KCNMB1: variants seen among roughly 807,000 people sequenced by gnomAD.
KCNMB1 encodes calcium-activated potassium channel subunit beta-1.
KCNMB1 carries 22 observed loss-of-function variants against 21.7 expected under a neutral mutation model. The ratio of observed to expected loss-of-function variants is 1.01; its 90% CI spans 0.72 to 1.45. KCNMB1 has a LOEUF of 1.45. Ranked by LOEUF, KCNMB1 falls within the 40% of genes most tolerant of loss-of-function variation. The pLI is 0.00. For missense variants in KCNMB1, 243 were observed against 243.4 expected, an observed-to-expected ratio of 1.00 and a Z score of 0.01; for synonymous variants, 114 against 107.6, an observed-to-expected ratio of 1.06 and a Z score of -0.37.
At position 170,378,653 on chromosome 5, in the gene KCNMB1, C is replaced by G. The variant is rs770678288; in HGVS notation, c.*51G>C. Reference sequence around the variant, plus strand: ...TGCAAGTGGGGAGCAGCCCTGGGGGCCCAGCCAGTCCCCTGTGCCCTGACA... The same window carrying G: ...TGCAAGTGGGGAGCAGCCCTGGGGGGCCAGCCAGTCCCCTGTGCCCTGACA... On this transcript the variant is annotated 3_prime_UTR_variant, in exon 4 of 4. Transcript: ENST00000274629. The G allele has an allele frequency of 1.9e-6, 3 of 1,539,890 alleles. No individual in the cohort carries two copies. The highest frequency in any genetic ancestry group is 2.8e-5 in the African/African-American group (2 of 72,492).
chr5:170,385,580 GTTTATATT>G, intron 1 of KCNMB1, 109 bp from the exon 2 acceptor site: 1 of 1,027,184 alleles, frequency 9.7e-7, no homozygotes, highest in Non-Finnish European at 1.4e-6. Flanking sequence ...TATCACTCTT[GTTTATATT>G]TGGAGCTTTG....
Position 170,376,339 on chromosome 5 carries a change from T to G in KCNMB1, c.*2365A>C, listed in dbSNP as rs963674099. 2 of 151,828 alleles carry G rather than the reference T, an allele frequency of 1.3e-5. No homozygotes were observed. Among genetic ancestry groups the G allele is most frequent in the Non-Finnish European group, 2.9e-5 (2 of 67,956 alleles). The allele number at this position is 151,828 out of a possible 1,614,324, so 9.4% of individuals were successfully genotyped here. On this transcript the variant is annotated 3_prime_UTR_variant, in exon 4 of 4. Transcript: ENST00000274629. ...CCACGCCCGGCTATGATTTTTTCTA[T>G]TTTTTAGTAGAGACAGGGTTTCACC... is the stretch of plus-strand genomic sequence containing the variant.
At chr5:170,387,256 A>C (rs1764513300) in intron 1 of KCNMB1, among the ~76,000 whole-genome samples, 2 of 152,212 alleles carry the variant, frequency 1.3e-5, no homozygotes, top group South Asian at 4.1e-4. Flanking sequence ...TCCCTAAAGT[A>C]ATAAACATAT....
At chr5:170,388,095 G>A (rs1048177819) in intron 1 of KCNMB1, among the ~76,000 whole-genome samples, 2 of 152,228 alleles carry the variant, frequency 1.3e-5, no homozygotes, top group Non-Finnish European at 2.9e-5. Context: ...GGGCACTCCT[G>A]AGGCTGGTGA....
intron 1 of KCNMB1, among the ~76,000 whole-genome samples, chr5:170,388,846 C>G (rs1764591958): frequency 6.6e-6 from 1 of 152,236 alleles, no homozygotes; most frequent in Admixed American, 6.5e-5. Context: ...ATCATAGCAC[C>G]TAGCCCCAAA....
chr5:170,383,796 C>T lies in KCNMB1; in HGVS notation c.189G>A (p.Gln63=), dbSNP rs765019540. 6.2e-7 allele frequency: 1 copy of T among 1,614,192 alleles called. No homozygotes were observed. Among genetic ancestry groups the T allele is most frequent in the Non-Finnish European group, 8.5e-7 (1 of 1,180,042 alleles). Residue 63 remains glutamine (Q), a synonymous_variant, in exon 3 of 4, where the codon CAG becomes CAA. Coordinates refer to ENST00000274629, the MANE Select transcript of KCNMB1 (RefSeq NM_004137.4). ...CHLIETNIRD[Q]EELKGKKVPQ... is the part of the protein sequence containing the mutation. ...GCACCTTCTTGCCCTTCAGCTCCTC[C>T]TGGTCCCTGATGTTGGTCTCAATCA...
intron 1 of KCNMB1, 45 bp from the exon 2 acceptor site, chr5:170,385,516 A>C: frequency 1.3e-6 from 2 of 1,569,596 alleles, no homozygotes; most frequent in Non-Finnish European, 1.8e-6. Context: ...CCCAGTTCAC[A>C]GGTGATCCAC....
rs1347369839 is a variant in KCNMB1, at chr5:170,377,037, A to C, written c.*1667T>G. 4 of 152,252 alleles carry C rather than the reference A, an allele frequency of 2.6e-5. No homozygotes were observed. Among genetic ancestry groups the C allele is most frequent in the Non-Finnish European group, 4.4e-5 (3 of 68,054 alleles). 9.4% of individuals were successfully genotyped at this position (152,252 alleles called of 1,614,324 possible). ...GAATCAAAGAGATGAAATCGGGCAGAGTAGAGACAGGATTCAAACCCAAGA... is the reference window on the plus strand; with the variant it reads ...GAATCAAAGAGATGAAATCGGGCAGCGTAGAGACAGGATTCAAACCCAAGA... On this transcript the variant is annotated 3_prime_UTR_variant, in exon 4 of 4. Transcript: ENST00000274629.
chr5:170,386,479 C>T (rs920446422), intron 1 of KCNMB1, among the ~76,000 whole-genome samples: 1 of 152,134 alleles, frequency 6.6e-6, no homozygotes, highest in Non-Finnish European at 1.5e-5. Context: ...AGTCATAGGT[C>T]CCATGCGGTG....
intron 3 of KCNMB1, among the ~76,000 whole-genome samples, chr5:170,379,204 C>T (rs1157322303): frequency 6.6e-6 from 1 of 152,152 alleles, no homozygotes; most frequent in Non-Finnish European, 1.5e-5. Context: ...ACAGGCTACA[C>T]ACCTGGGCGC....
chr5:170,387,050 A>G (rs1393152275), intron 1 of KCNMB1, among the ~76,000 whole-genome samples: 1 of 152,006 alleles, frequency 6.6e-6, no homozygotes, highest in East Asian at 1.9e-4. Flanking sequence ...GTGATTTCCC[A>G]TGGTTCCGCA....
intron 3 of KCNMB1, among the ~76,000 whole-genome samples, chr5:170,379,638 A>G (rs1435614016): frequency 2.0e-5 from 3 of 152,210 alleles, no homozygotes; most frequent in Non-Finnish European, 4.4e-5. Flanking sequence ...CAGAAGATCT[A>G]TAATAGCCAG....
At chr5:170,379,056 C>G (rs1470113649) in intron 3 of KCNMB1, 83 bp from the exon 4 acceptor site, 3 of 1,511,170 alleles carry the variant, frequency 2.0e-6, no homozygotes, top group East Asian at 2.3e-5. Context: ...AAGAAAAATA[C>G]CAGCTTTGTA....
chr5:170,385,550 G>T lies in KCNMB1; in HGVS notation c.-24-79C>A, dbSNP rs1581135692. 1.9e-5 allele frequency: 25 copies of T among 1,296,342 alleles called. No individual in the cohort carries two copies. The Admixed American group carries it at 2.7e-4, about 14-fold the overall frequency. The allele number at this position is 1,296,342 out of a possible 1,614,324, so 80.3% of individuals were successfully genotyped here. A position where few individuals can be genotyped will look rare whatever the true frequency, so the allele number is the denominator to read the frequency against. On this transcript the variant is annotated intron_variant, in intron 1 of 3. Coordinates refer to ENST00000274629, the MANE Select transcript of KCNMB1 (RefSeq NM_004137.4). The stretch of plus-strand genomic sequence containing the variant: ...ACAGAAAGAGAGGACAGGTGAGAGG[G>T]GAAGGTACTCAACTATTAATATCAC...
intron 3 of KCNMB1, among the ~76,000 whole-genome samples, chr5:170,381,021 A>G (rs1190877977): frequency 6.6e-6 from 1 of 152,252 alleles, no homozygotes; most frequent in African/African-American, 2.4e-5. Flanking sequence ...TGACTTATCT[A>G]TGAAATTGCA....
intron 2 of KCNMB1, 139 bp from the exon 3 acceptor site, chr5:170,383,989 A>T (rs1764364273): frequency 2.4e-6 from 2 of 822,256 alleles, no homozygotes; most frequent in Admixed American, 5.1e-5. Context: ...AGCATCCAGC[A>T]ATAAAGGCAC....
chr5:170,384,177 G>GT (rs1281813017), intron 2 of KCNMB1, among the ~76,000 whole-genome samples: 2 of 152,216 alleles, frequency 1.3e-5, no homozygotes, highest in Admixed American at 6.5e-5. Flanking sequence ...TTCTTGGGTG[G>GT]TTTGGCCCAG....
intron 3 of KCNMB1, among the ~76,000 whole-genome samples, chr5:170,380,439 G>C (rs1208064897): frequency 6.6e-6 from 1 of 152,250 alleles, no homozygotes; most frequent in Non-Finnish European, 1.5e-5. Context: ...TGTTGAGCCA[G>C]ATTCCTTGCA....
Position 170,376,485 on chromosome 5 carries a change from T to C in KCNMB1, c.*2219A>G, listed in dbSNP as rs1026428980. ...GCCGACTTTTTCTTGTTACTAACAATAGCTCTTTTTCCCTGATCCTCTCCC... is the reference window on the plus strand; with the variant it reads ...GCCGACTTTTTCTTGTTACTAACAACAGCTCTTTTTCCCTGATCCTCTCCC... On this transcript the variant is annotated 3_prime_UTR_variant, in exon 4 of 4. Coordinates refer to ENST00000274629, the MANE Select transcript of KCNMB1 (RefSeq NM_004137.4). The C allele has an allele frequency of 2.0e-5, 3 of 152,122 alleles. No individual in the cohort carries two copies. The highest frequency in any genetic ancestry group is 4.4e-5 in the Non-Finnish European group (3 of 68,058). 9.4% of individuals were successfully genotyped at this position (152,122 alleles called of 1,614,324 possible). A position where few individuals can be genotyped will look rare whatever the true frequency, so the allele number is the denominator to read the frequency against.
Sources: allele counts gnomAD v4.1 joint callset (sites outside exome capture counted in the v4.1 genomes callset), GRCh38; gene constraint gnomAD v4.1.1; transcripts MANE v1.5; gene names NCBI Gene and HGNC (gene_info 2026-07-23, HGNC 2026-07-21).